AQP1: variants seen among roughly 807,000 people sequenced by gnomAD.
AQP1 encodes aquaporin 1 (Colton blood group), also known as aquaporin-1.
AQP1 carries 11 observed loss-of-function variants against 19.7 expected under a neutral mutation model. The ratio of observed to expected loss-of-function variants is 0.56; its 90% CI spans 0.35 to 0.92. The LOEUF is 0.92. AQP1 is among the 40% of genes least tolerant of loss of function. The pLI is 0.01. For missense variants in AQP1, 320 were observed against 369.7 expected, an observed-to-expected ratio of 0.87 and a Z score of 1.10; for synonymous variants, 159 against 166.7, an observed-to-expected ratio of 0.95 and a Z score of 0.36.
rs902916985 is a variant in AQP1, at chr7:30,924,938, T to C, written c.*1309T>C. The C allele has an allele frequency of 3.7e-4, 57 of 152,328 alleles. No individual in the cohort carries two copies. The highest frequency in any genetic ancestry group is 1.3e-3 in the African/African-American group (56 of 41,542). 9.4% of individuals were successfully genotyped at this position (152,328 alleles called of 1,614,324 possible). A position where few individuals can be genotyped will look rare whatever the true frequency, so the allele number is the denominator to read the frequency against. On this transcript the variant is annotated 3_prime_UTR_variant, in exon 4 of 4. Transcript: ENST00000311813. ...CTTGACCTAATGAGGTAGCTATAGTTGCAGCCCAAGGACAGTTCAGAGATC... is the reference window on the plus strand; with the variant it reads ...CTTGACCTAATGAGGTAGCTATAGTCGCAGCCCAAGGACAGTTCAGAGATC...
chr7:30,918,001 A>T (rs2299905), intron 1 of AQP1, among the ~76,000 whole-genome samples: 57,982 of 143,642 alleles, frequency 0.4, 12,817 homozygotes, highest in African/African-American at 0.68. Context: ...ATAGATTTTT[A>T]TTTTTTTTTT....
rs552117015 is a variant in AQP1 at position 30,912,972 on chromosome 7, G to T, written c.384+679G>T. On this transcript the variant is annotated intron_variant, in intron 1 of 3. Coordinates refer to ENST00000311813, the MANE Select transcript of AQP1 (RefSeq NM_198098.4). This position sits in a 1 kb window ranked among gnomAD's most constrained non-coding sequence, Gnocchi z 4.3. ...GTCTCTAGGCACTGAGAGGTGTGGCGTGTGTGTGCATGTGCGTGTGCGTGT... is the reference window on the plus strand; with the variant it reads ...GTCTCTAGGCACTGAGAGGTGTGGCTTGTGTGTGCATGTGCGTGTGCGTGT... Among the ~76,000 whole-genome samples, 2 of 152,098 alleles carry T rather than the reference G, an allele frequency of 1.3e-5. No individual in the cohort carries two copies. The highest frequency in any genetic ancestry group is 2.1e-4 in the South Asian group (1 of 4,806).
At chr7:30,914,535 T>G (rs926209012) in intron 1 of AQP1, among the ~76,000 whole-genome samples, 3 of 152,208 alleles carry the variant, frequency 2.0e-5, no homozygotes, top group Non-Finnish European at 4.4e-5. Flanking sequence ...GTTCAGGACC[T>G]CAACTCTGGG....
chr7:30,914,520 G>A (rs1233865657), intron 1 of AQP1, among the ~76,000 whole-genome samples: 3 of 152,242 alleles, frequency 2.0e-5, no homozygotes, highest in African/African-American at 7.2e-5. Flanking sequence ...CAGTGGAAGG[G>A]TGGGGTTCAG....
rs910809515 is a variant in AQP1 at position 30,924,851 on chromosome 7, C to T, written c.*1222C>T. The T allele has an allele frequency of 1.3e-5, 2 of 152,426 alleles. No homozygotes were observed. Among genetic ancestry groups the T allele is most frequent in the East Asian group, 3.9e-4 (2 of 5,190 alleles). The allele number at this position is 152,426 out of a possible 1,614,324, so 9.4% of individuals were successfully genotyped here. ...TGAGCAGCTGAATAACCTGCACAGG[C>T]TTGCTGTATGACCCCTGGCCACAGC... is the stretch of plus-strand genomic sequence containing the variant. On this transcript the variant is annotated 3_prime_UTR_variant, in exon 4 of 4. Transcript: ENST00000311813.
Position 30,924,193 on chromosome 7 carries a change from C to T in AQP1, c.*564C>T. The T allele has an allele frequency of 9.3e-7, 1 of 1,075,574 alleles. No homozygotes were observed. The highest frequency in any genetic ancestry group is 2.1e-5 in the South Asian group (1 of 48,152). 66.6% of individuals were successfully genotyped at this position (1,075,574 alleles called of 1,614,324 possible). On this transcript the variant is annotated 3_prime_UTR_variant, in exon 4 of 4. Coordinates refer to ENST00000311813, the MANE Select transcript of AQP1 (RefSeq NM_198098.4). Reference sequence around the variant, plus strand: ...TTACTGCCTGACCTTGGAATCGTCCCTATATCAGGGCCTGAGTGACCTCCT... The same window carrying T: ...TTACTGCCTGACCTTGGAATCGTCCTTATATCAGGGCCTGAGTGACCTCCT...
Position 30,921,609 on chromosome 7 carries a change from T to C in AQP1, c.385-457T>C, listed in dbSNP as rs1351873785. 3 of 1,550,340 alleles carry C rather than the reference T, an allele frequency of 1.9e-6. No homozygotes were observed. The East Asian group carries it at 7.3e-5, about 38-fold the overall frequency. On this transcript the variant is annotated intron_variant, in intron 1 of 3. Coordinates refer to ENST00000311813, the MANE Select transcript of AQP1 (RefSeq NM_198098.4). ...AGATGCAGTCGGGCATGGGGTGGAA[T>C]GTTCTGGACTTTTGGGTATGAAGCC...
In AQP1 at chr7:30,912,379, G is replaced by A. The variant is rs1044347359; in HGVS notation, c.384+86G>A. 2.6e-6 allele frequency: 4 copies of A among 1,533,974 alleles called. No homozygotes were observed. In the South Asian group the frequency reaches 3.6e-5, roughly 14 times the overall value. On this transcript the variant is annotated intron_variant, in intron 1 of 3. Coordinates refer to ENST00000311813, the MANE Select transcript of AQP1 (RefSeq NM_198098.4). The surrounding 1 kb of genome is among the most constrained non-coding windows in gnomAD (Gnocchi z 4.3). ...CATCCTCTGCCCATTGTGCAGATGGGGACACTGAGGAACGGAGAGGACAAG... is the reference window on the plus strand; with the variant it reads ...CATCCTCTGCCCATTGTGCAGATGGAGACACTGAGGAACGGAGAGGACAAG...
rs996947319 is a variant in AQP1 at position 30,923,007 on chromosome 7, C to T, written c.630+363C>T. Among the ~76,000 whole-genome samples, 13 of 152,236 alleles carry T rather than the reference C, an allele frequency of 8.5e-5. No homozygotes were observed. The highest frequency in any genetic ancestry group is 3.1e-4 in the African/African-American group (13 of 41,460). ...CTGCGGAGGGGGATATGGTGGTGCCCACCTCTCAGGGTGGCCGAGAAGAGG... is the reference window on the plus strand; with the variant it reads ...CTGCGGAGGGGGATATGGTGGTGCCTACCTCTCAGGGTGGCCGAGAAGAGG... On this transcript the variant is annotated intron_variant, in intron 3 of 3. Coordinates refer to ENST00000311813, the MANE Select transcript of AQP1 (RefSeq NM_198098.4). The surrounding 1 kb of genome is among the most constrained non-coding windows in gnomAD (Gnocchi z 4.8).
In AQP1 at chr7:30,912,230, C is replaced by T. The variant is rs368861831; in HGVS notation, c.321C>T (p.Val107=). 63 of 1,609,176 alleles carry T rather than the reference C, an allele frequency of 3.9e-5. No homozygotes were observed. The highest frequency in any genetic ancestry group is 5.0e-5 in the Non-Finnish European group (59 of 1,179,966). The change falls in exon 1 of 4, where the codon GTC becomes GTT. Residue 107 remains valine (V), a synonymous_variant. Coordinates refer to ENST00000311813, the MANE Select transcript of AQP1 (RefSeq NM_198098.4). This position sits in a 1 kb window ranked among gnomAD's most constrained non-coding sequence, Gnocchi z 4.3. ...TCGCCCAGTGCGTGGGGGCCATCGT[C>T]GCCACCGCCATCCTCTCAGGCATCA... ...YIIAQCVGAI[V]ATAILSGITS... is the part of the protein sequence containing the mutation.
intron 1 of AQP1, among the ~76,000 whole-genome samples, chr7:30,916,228 C>T (rs1307563571): frequency 6.6e-6 from 1 of 152,194 alleles, no homozygotes; most frequent in Non-Finnish European, 1.5e-5. Flanking sequence ...GGGGCTCACC[C>T]CCTGCTCACC....
At position 30,919,509 on chromosome 7, in the gene AQP1, CG is replaced by C. The variant is rs28362725; in HGVS notation, c.385-2554del. Among the ~76,000 whole-genome samples, 875 of 150,266 alleles carry C rather than the reference CG, an allele frequency of 5.8e-3. 8 individuals carry two copies. Among genetic ancestry groups the C allele is most frequent in the African/African-American group, 0.019 (784 of 40,848 alleles). On this transcript the variant is annotated intron_variant, in intron 1 of 3. Transcript: ENST00000311813. ...CAAAACCCAGGGCTGCAGACAAAAG[CG>C]GGAAGACAATTGAGAATTGAGAATT...
chr7:30,921,368 G>A (rs1791494368), intron 1 of AQP1: 2 of 1,391,480 alleles, frequency 1.4e-6, no homozygotes, highest in South Asian at 3.8e-5. Context: ...GGCAGAGGGA[G>A]GGTGAGGCTG....
At chr7:30,922,262 G>A (rs41276000) in intron 2 of AQP1, 32 bp downstream of exon 2, 1 of 1,556,464 alleles carries the variant, frequency 6.4e-7, no homozygotes, top group Non-Finnish European at 8.6e-7. Flanking sequence ...ATGGAGGTGG[G>A]GGAAGGGAGG....
intron 1 of AQP1, among the ~76,000 whole-genome samples, chr7:30,916,437 C>T (rs1791356461): frequency 6.6e-6 from 1 of 152,240 alleles, no homozygotes; most frequent in African/African-American, 2.4e-5. Flanking sequence ...TCCTGAGTGG[C>T]TGGGATCTGA....
intron 1 of AQP1, chr7:30,921,713 G>T: frequency 6.4e-7 from 1 of 1,550,722 alleles, no homozygotes; most frequent in Non-Finnish European, 8.7e-7. Flanking sequence ...CATGCCTGGG[G>T]CTCGCCCCTT....
At chr7:30,919,406 C>T (rs1791438943) in intron 1 of AQP1, among the ~76,000 whole-genome samples, 1 of 152,100 alleles carries the variant, frequency 6.6e-6, no homozygotes, top group Non-Finnish European at 1.5e-5. Flanking sequence ...AAGGGCTTAG[C>T]ACAAAATGGA....
rs928490944 is a variant in AQP1, at chr7:30,912,959, TGA to T, written c.384+670_384+671del. Among the ~76,000 whole-genome samples the T allele has an allele frequency of 3.2e-4, 48 of 152,116 alleles. 1 individual carries two copies. The highest frequency in any genetic ancestry group is 3.4e-3 in the Middle Eastern group (1 of 294). ...GCTGGGCTCCATGGTCTCTAGGCAC[TGA>T]GAGGTGTGGCGTGTGTGTGCATGTG... On this transcript the variant is annotated intron_variant, in intron 1 of 3. Coordinates refer to ENST00000311813, the MANE Select transcript of AQP1 (RefSeq NM_198098.4). The surrounding 1 kb of genome is among the most constrained non-coding windows in gnomAD (Gnocchi z 4.3).
chr7:30,917,224 C>T (rs1307265898), intron 1 of AQP1, among the ~76,000 whole-genome samples: 1 of 152,240 alleles, frequency 6.6e-6, no homozygotes, highest in Non-Finnish European at 1.5e-5. Flanking sequence ...AACATGCACA[C>T]ACATGTGCTC....
Sources: allele counts gnomAD v4.1 joint callset (sites outside exome capture counted in the v4.1 genomes callset), GRCh38; gene constraint gnomAD v4.1.1; non-coding constraint Gnocchi (gnomAD v3.1); transcripts MANE v1.5; gene names NCBI Gene and HGNC (gene_info 2026-07-23, HGNC 2026-07-21).